SLC25A20: variants seen among roughly 807,000 people sequenced by gnomAD.
SLC25A20 encodes solute carrier family 25 member 20.
A neutral mutation model predicts 39.7 loss-of-function variants in SLC25A20; 29 were observed. The ratio of observed to expected loss-of-function variants is 0.73; its 90% CI spans 0.54 to 1.00. The LOEUF is 1.00. SLC25A20 is among the 50% of genes least tolerant of loss of function. The pLI is 0.00. For missense variants in SLC25A20, 333 were observed against 379.9 expected, an observed-to-expected ratio of 0.88 and a Z score of 1.03; for synonymous variants, 103 against 142.2, an observed-to-expected ratio of 0.72 and a Z score of 1.96.
rs1472876028 is a variant in SLC25A20 at position 48,857,701 on chromosome 3, C to G, written c.*9G>C. Reference sequence around the variant, plus strand: ...AGCATCCAGAAGTGAACTTGAGCAGCCTTCAGCCTCACAAGTTGGGGGTGG... The same window carrying G: ...AGCATCCAGAAGTGAACTTGAGCAGGCTTCAGCCTCACAAGTTGGGGGTGG... On this transcript the variant is annotated 3_prime_UTR_variant, in exon 9 of 9. Coordinates refer to ENST00000319017, the MANE Select transcript of SLC25A20 (RefSeq NM_000387.6). 12 of 1,613,476 alleles carry G rather than the reference C, an allele frequency of 7.4e-6. No individual in the cohort carries two copies. Among genetic ancestry groups the G allele is most frequent in the Non-Finnish European group, 9.3e-6 (11 of 1,179,766 alleles).
chr3:48,885,552 T>C (rs2083823924), intron 2 of SLC25A20, among the ~76,000 whole-genome samples: 1 of 152,100 alleles, frequency 6.6e-6, no homozygotes, highest in Non-Finnish European at 1.5e-5. Context: ...ATGCCTGTAA[T>C]TCCAGCACTT....
chr3:48,890,235 G>A (rs1229002706), intron 2 of SLC25A20, among the ~76,000 whole-genome samples: 1 of 152,160 alleles, frequency 6.6e-6, no homozygotes, highest in African/African-American at 2.4e-5. Context: ...CACCCAGGCT[G>A]GAGTGCAGTG....
chr3:48,857,659 C>T lies in SLC25A20; in HGVS notation c.*51G>A. The T allele has an allele frequency of 1.3e-6, 2 of 1,564,596 alleles. No homozygotes were observed. Among genetic ancestry groups the T allele is most frequent in the Non-Finnish European group, 1.8e-6 (2 of 1,137,336 alleles). ...CTTAGTTCTGCTTACTACTCCTTCT[C>T]CTCAACGACAGCTTCCAGCATCCAG... On this transcript the variant is annotated 3_prime_UTR_variant, in exon 9 of 9. Transcript: ENST00000319017.
intron 4 of SLC25A20, among the ~76,000 whole-genome samples, chr3:48,863,569 G>A (rs2083642611): frequency 6.6e-6 from 1 of 152,194 alleles, no homozygotes; most frequent in Non-Finnish European, 1.5e-5. Context: ...GATCCCGCTT[G>A]TTCAGGACCA....
intron 4 of SLC25A20, among the ~76,000 whole-genome samples, chr3:48,863,718 T>TA (rs2083643561): frequency 6.6e-6 from 1 of 152,058 alleles, no homozygotes; most frequent in South Asian, 2.1e-4. Flanking sequence ...ATTAACCAGT[T>TA]AAAAAATAAT....
intron 1 of SLC25A20, among the ~76,000 whole-genome samples, 173 bp from the exon 2 acceptor site, chr3:48,892,245 T>C (rs576199179): frequency 2.6e-5 from 4 of 152,336 alleles, no homozygotes; most frequent in Admixed American, 2.6e-4. Context: ...AGTACTTCAT[T>C]CCTTTTATTG....
chr3:48,886,775 G>A (rs1440239217), intron 2 of SLC25A20, among the ~76,000 whole-genome samples: 1 of 152,104 alleles, frequency 6.6e-6, no homozygotes, highest in African/African-American at 2.4e-5. Flanking sequence ...GAGCCCAGGA[G>A]TTCAAGACCA....
Position 48,859,162 on chromosome 3 carries a change from C to G in SLC25A20, c.648G>C (p.Gly216=). Reference sequence around the variant, plus strand: ...CCCAGTTGAAGATCCCTGCAATGCCCCCAGCCACCAAGATCCGAGGGGCAC... The same window carrying G: ...CCCAGTTGAAGATCCCTGCAATGCCGCCAGCCACCAAGATCCGAGGGGCAC... The part of the protein sequence containing the change: ...ELSAPRILVA[G]GIAGIFNWAV... Residue 216 remains glycine, a synonymous_variant, in exon 7 of 9, where the codon GGG becomes GGC. Transcript: ENST00000319017. 1 of 1,614,032 alleles carries G rather than the reference C, an allele frequency of 6.2e-7. No homozygotes were observed. The highest frequency in any genetic ancestry group is 2.2e-5 in the East Asian group (1 of 44,880).
At chr3:48,865,308 A>G (rs1015084130) in intron 4 of SLC25A20, among the ~76,000 whole-genome samples, 1 of 151,732 alleles carries the variant, frequency 6.6e-6, no homozygotes, top group Non-Finnish European at 1.5e-5. Context: ...TTGTATTTTT[A>G]GTAGAGATGG....
chr3:48,886,597 A>G (rs1015372889), intron 2 of SLC25A20, among the ~76,000 whole-genome samples: 5 of 152,064 alleles, frequency 3.3e-5, no homozygotes, highest in African/African-American at 9.6e-5. Context: ...GATAGGTGGA[A>G]ACAGCATAAA....
intron 1 of SLC25A20, among the ~76,000 whole-genome samples, chr3:48,892,843 A>AG (rs2083886923): frequency 3.9e-5 from 6 of 152,162 alleles, no homozygotes; most frequent in African/African-American, 1.4e-4. Context: ...GGTGACACAT[A>AG]AAATTAACCA....
chr3:48,876,976 G>A, intron 4 of SLC25A20, among the ~76,000 whole-genome samples: 1 of 151,834 alleles, frequency 6.6e-6, no homozygotes, highest in Non-Finnish European at 1.5e-5. Context: ...GGCGCCTGTA[G>A]TCCCACCTAC....
At chr3:48,893,900 C>T (rs1281385053) in intron 1 of SLC25A20, among the ~76,000 whole-genome samples, 1 of 149,948 alleles carries the variant, frequency 6.7e-6, no homozygotes, top group Non-Finnish European at 1.5e-5. Flanking sequence ...GTGGCTCACA[C>T]CTGTAATCCC....
At position 48,879,417 on chromosome 3, in the gene SLC25A20, A is replaced by G. The variant is rs149174359; in HGVS notation, c.358T>C (p.Ser120Pro). The change falls in exon 4 of 9, where the codon TCT becomes CCT. Residue 120 changes from serine (S) to proline (P), a missense_variant. Physicochemically the swap from Ser to Pro is moderately conservative, Grantham distance 74. Transcript: ENST00000319017. The part of the protein sequence containing the change: ...YPQLFAAGML[S>P]GVFTTGIMTP... ...ATGATTCCTGTGGTGAATACGCCAG[A>G]TAACATCCCAGCTGCAAAAAGCTGG... 4.4e-4 allele frequency: 704 copies of G among 1,614,014 alleles called. 3 individuals are homozygous for G. Among genetic ancestry groups the G allele is most frequent in the Non-Finnish European group, 5.6e-4 (663 of 1,179,956 alleles).
At chr3:48,869,717 C>G (rs946947920) in intron 4 of SLC25A20, among the ~76,000 whole-genome samples, 1 of 151,962 alleles carries the variant, frequency 6.6e-6, no homozygotes, top group African/African-American at 2.4e-5. Flanking sequence ...GAGGCTGAGG[C>G]AGGAAGATCA....
At chr3:48,858,092 T>C (rs2083594276) in intron 8 of SLC25A20, among the ~76,000 whole-genome samples, 1 of 151,814 alleles carries the variant, frequency 6.6e-6, no homozygotes, top group South Asian at 2.1e-4. Flanking sequence ...CTCAGCCTCC[T>C]GAGTAGCTGG....
intron 4 of SLC25A20, among the ~76,000 whole-genome samples, chr3:48,876,508 C>G (rs1239578057): frequency 6.7e-6 from 1 of 149,622 alleles, no homozygotes; most frequent in Non-Finnish European, 1.5e-5. Context: ...TCACTGAAAA[C>G]TCCACCTCCT....
At chr3:48,880,317 T>G (rs778389480) in intron 3 of SLC25A20, among the ~76,000 whole-genome samples, 4 of 152,064 alleles carry the variant, frequency 2.6e-5, no homozygotes, top group Non-Finnish European at 4.4e-5. Context: ...ACGGTCTCAC[T>G]CTGTCCCCAG....
At chr3:48,891,354 C>T (rs1026511134) in intron 2 of SLC25A20, among the ~76,000 whole-genome samples, 1 of 152,092 alleles carries the variant, frequency 6.6e-6, no homozygotes, top group African/African-American at 2.4e-5. Context: ...GGATTATAGG[C>T]GTAAGCCACC....
Sources: allele counts gnomAD v4.1 joint callset (sites outside exome capture counted in the v4.1 genomes callset), GRCh38; gene constraint gnomAD v4.1.1; transcripts MANE v1.5; gene names NCBI Gene and HGNC (gene_info 2026-07-23, HGNC 2026-07-21).